Variants in CD300LF observed in about 807,000 individuals in gnomAD.
The protein encoded by CD300LF is CD300 molecule like family member f.
CD300LF carries 27 observed loss-of-function variants against 32.2 expected under a neutral mutation model. The ratio of observed to expected loss-of-function variants is 0.84; its 90% CI spans 0.62 to 1.15. CD300LF has a LOEUF of 1.15. CD300LF is among the 50% of genes most tolerant of loss of function. The pLI, the probability that CD300LF is intolerant of heterozygous loss-of-function variation, is 0.00. For synonymous variants in CD300LF, 139 were observed against 143.2 expected (o/e 0.97, Z 0.21); for missense variants, 348 against 356.8 (o/e 0.98, Z 0.20).
At chr17:74,706,717 C>A (rs2033550598) in intron 1 of CD300LF, among the ~76,000 whole-genome samples, 1 of 152,110 alleles carries the variant, frequency 6.6e-6, no homozygotes, top group Non-Finnish European at 1.5e-5. Flanking sequence ...GCACAACAAC[C>A]AACGGCGCGG....
At position 74,712,823 on chromosome 17, in the gene CD300LF, C is replaced by A; in HGVS notation, c.43+1G>T. On this transcript the variant is annotated splice_donor_variant, in intron 1 of 6. Transcript: ENST00000326165. LOFTEE classifies it high-confidence loss of function. Reference sequence around the variant, plus strand: ...AAGAAGACAGACCCAGGCCCGCTCACCTGAGAGCCAGAAGAGGAGCAGGTA... The same window carrying A: ...AAGAAGACAGACCCAGGCCCGCTCAACTGAGAGCCAGAAGAGGAGCAGGTA... The A allele has an allele frequency of 6.2e-7, 1 of 1,614,058 alleles. No individual in the cohort carries two copies. The highest frequency in any genetic ancestry group is 8.5e-7 in the Non-Finnish European group (1 of 1,179,982).
chr17:74,704,946 C>T (rs949074415), intron 1 of CD300LF, 130 bp from the exon 2 acceptor site: 19 of 738,798 alleles, frequency 2.6e-5, no homozygotes, highest in African/African-American at 7.0e-5. Flanking sequence ...ATACACCTTC[C>T]GCAGACAAAA....
chr17:74,706,697 A>AGCAGT (rs2033548725), intron 1 of CD300LF, among the ~76,000 whole-genome samples: 1 of 152,116 alleles, frequency 6.6e-6, no homozygotes, highest in Admixed American at 6.6e-5. Flanking sequence ...AACAAAAACC[A>AGCAGT]GCAGTTCAAG....
rs765481112 is a variant in CD300LF at position 74,695,777 on chromosome 17, G to T, written c.665C>A (p.Thr222Lys). ...GTCAACCTGGGCAGAGGAAAGCTTCGTGGTAGCCTTTTGCGGGGAGGTTCC... is the reference window on the plus strand; with the variant it reads ...GTCAACCTGGGCAGAGGAAAGCTTCTTGGTAGCCTTTTGCGGGGAGGTTCC... ...LAGTSPQKAT[T>K]KLSSAQVDQV... The change falls in exon 6 of 7, where the codon ACG becomes AAG. Residue 222 changes from threonine (T) to lysine (K), a missense_variant. Physicochemically the swap from Thr to Lys is moderately conservative, Grantham distance 78 (BLOSUM62 -1). Coordinates refer to ENST00000326165, the MANE Select transcript of CD300LF (RefSeq NM_139018.5). 6.2e-7 allele frequency: 1 copy of T among 1,614,032 alleles called. No homozygotes were observed. Among genetic ancestry groups the T allele is most frequent in the Non-Finnish European group, 8.5e-7 (1 of 1,180,030 alleles).
rs758692184 is a variant in CD300LF at position 74,695,709 on chromosome 17, C to T, written c.717+16G>A. The T allele has an allele frequency of 6.2e-7, 1 of 1,614,070 alleles. No homozygotes were observed. The highest frequency in any genetic ancestry group is 8.5e-7 in the Non-Finnish European group (1 of 1,180,000). On this transcript the variant is annotated intron_variant, in intron 6 of 6. Coordinates refer to ENST00000326165, the MANE Select transcript of CD300LF (RefSeq NM_139018.5). ...CCCCTGCCCCAGCCTCACAGCAGCC[C>T]CCATGGAGGACGCACCATGGTGACA...
intron 4 of CD300LF, among the ~76,000 whole-genome samples, chr17:74,696,563 C>T (rs1309202420): frequency 6.6e-6 from 1 of 152,200 alleles, no homozygotes; most frequent in Non-Finnish European, 1.5e-5. Context: ...GGAATTCCAC[C>T]ATGTCTCTCT....
intron 4 of CD300LF, among the ~76,000 whole-genome samples, chr17:74,696,463 T>C (rs1329054315): frequency 2.0e-5 from 3 of 152,174 alleles, no homozygotes; most frequent in African/African-American, 4.8e-5. Flanking sequence ...CCCCACATCA[T>C]AGAACTGTGC....
At chr17:74,706,971 A>G (rs1284231739) in intron 1 of CD300LF, among the ~76,000 whole-genome samples, 1 of 152,246 alleles carries the variant, frequency 6.6e-6, no homozygotes, top group African/African-American at 2.4e-5. Context: ...ATCTCACAAC[A>G]TATACAAAAA....
intron 2 of CD300LF, 33 bp from the exon 3 acceptor site, chr17:74,703,131 G>T: frequency 6.2e-7 from 1 of 1,613,474 alleles, no homozygotes; most frequent in Non-Finnish European, 8.5e-7. Context: ...CGTGGTGGGG[G>T]CAGGAGTCGA....
rs144675318 is a variant in CD300LF at position 74,706,273 on chromosome 17, G to GAAA, written c.44-1460_44-1458dup. ...TCTAAAAATAAAAAACATTTTAAAGGAAAAAAAAAATATATATATATATAT... is the reference window on the plus strand; with the variant it reads ...TCTAAAAATAAAAAACATTTTAAAGGAAAAAAAAAAAAATATATATATATATAT... On this transcript the variant is annotated intron_variant, in intron 1 of 6. Coordinates refer to ENST00000326165, the MANE Select transcript of CD300LF (RefSeq NM_139018.5). 3.1e-4 allele frequency among the ~76,000 whole-genome samples: 42 copies of GAAA among 137,558 alleles called. 1 individual carries two copies. The highest frequency in any genetic ancestry group is 1.0e-3 in the African/African-American group (40 of 38,182). 90.2% of individuals were successfully genotyped at this position (137,558 alleles called of 152,430 possible).
At chr17:74,700,964 A>G (rs1486523586) in intron 3 of CD300LF, among the ~76,000 whole-genome samples, 1 of 152,166 alleles carries the variant, frequency 6.6e-6, no homozygotes, top group African/African-American at 2.4e-5. Context: ...AGAAGAGATC[A>G]GGACACAGAC....
At chr17:74,711,843 T>C (rs996158635) in intron 1 of CD300LF, among the ~76,000 whole-genome samples, 1 of 152,130 alleles carries the variant, frequency 6.6e-6, no homozygotes, top group African/African-American at 2.4e-5. Context: ...ACAGTACTTA[T>C]CACTTCTCAC....
In CD300LF at chr17:74,711,555, G is replaced by A. The variant is rs541436488; in HGVS notation, c.43+1269C>T. Among the ~76,000 whole-genome samples, 20 of 152,280 alleles carry A rather than the reference G, an allele frequency of 1.3e-4. No homozygotes were observed. In the East Asian group the frequency reaches 3.9e-3, roughly 29 times the overall value. On this transcript the variant is annotated intron_variant, in intron 1 of 6. Transcript: ENST00000326165. ...TTCCCCAAGACCTTTTCTCCAATCT[G>A]TCCCACCAGGATCTTCTGAAGCATG...
At chr17:74,709,540 A>G (rs1250237211) in intron 1 of CD300LF, among the ~76,000 whole-genome samples, 1 of 152,106 alleles carries the variant, frequency 6.6e-6, no homozygotes, top group African/African-American at 2.4e-5. Context: ...GACTTTTAGG[A>G]CACCATAAAC....
At chr17:74,707,760 G>A (rs1352464888) in intron 1 of CD300LF, among the ~76,000 whole-genome samples, 2 of 151,506 alleles carry the variant, frequency 1.3e-5, no homozygotes, top group Non-Finnish European at 2.9e-5. Context: ...TGTATATCCT[G>A]CACATATTAA....
chr17:74,695,907 C>T (rs746771602), intron 5 of CD300LF, 48 bp from the exon 6 acceptor site: 1 of 1,586,060 alleles, frequency 6.3e-7, no homozygotes, highest in African/African-American at 1.3e-5. Flanking sequence ...TGTCTGTGGA[C>T]ACAGGTTCCT....
At chr17:74,709,546 T>C (rs562703279) in intron 1 of CD300LF, among the ~76,000 whole-genome samples, 5 of 152,232 alleles carry the variant, frequency 3.3e-5, no homozygotes, top group Admixed American at 2.6e-4. Context: ...TAGGACACCA[T>C]AAACCAAGAG....
chr17:74,696,655 C>G (rs989037823), intron 4 of CD300LF, among the ~76,000 whole-genome samples: 48 of 152,124 alleles, frequency 3.2e-4, no homozygotes, highest in African/African-American at 1.1e-3. Flanking sequence ...CCCTCCCGGG[C>G]CCCCGGGGGG....
At chr17:74,709,771 C>G (rs2033814224) in intron 1 of CD300LF, among the ~76,000 whole-genome samples, 2 of 151,900 alleles carry the variant, frequency 1.3e-5, no homozygotes, top group Admixed American at 1.3e-4. Flanking sequence ...CAAGGTCTCA[C>G]TTTGTTGCCC....
Sources: allele counts gnomAD v4.1 joint callset (sites outside exome capture counted in the v4.1 genomes callset), GRCh38; gene constraint gnomAD v4.1.1; transcripts MANE v1.5; gene names NCBI Gene and HGNC (gene_info 2026-07-23, HGNC 2026-07-21).